Variants in KLF3 observed in about 807,000 individuals in gnomAD.
KLF3 encodes KLF transcription factor 3.
In KLF3, 6 loss-of-function variants were observed where a neutral mutation model predicts 32.7. The observed-to-expected ratio is 0.18, with a 90% CI of 0.10 to 0.36. KLF3 has a LOEUF of 0.36. Among genes scored for constraint, KLF3 ranks in the 10% least tolerant of loss-of-function variants. The pLI is 1.00. For synonymous variants in KLF3, 145 were observed against 172.8 expected (o/e 0.84, Z 1.26); for missense variants, 338 against 449.7 (o/e 0.75, Z 2.25).
chr4:38,666,337 A>G (rs749224643), intron 1 of KLF3, among the ~76,000 whole-genome samples: 3 of 152,018 alleles, frequency 2.0e-5, no homozygotes, highest in Non-Finnish European at 4.4e-5. Flanking sequence ...ATTAAAACCC[A>G]ATCTTCTTGT....
chr4:38,689,494 G>A (rs1202966229), intron 3 of KLF3, among the ~76,000 whole-genome samples: 1 of 152,180 alleles, frequency 6.6e-6, no homozygotes, highest in Admixed American at 6.5e-5. Context: ...AGAATTATAA[G>A]AACGAATCAT....
chr4:38,666,195 A>G (rs1363620296), intron 1 of KLF3, among the ~76,000 whole-genome samples: 1 of 152,226 alleles, frequency 6.6e-6, no homozygotes, highest in Admixed American at 6.5e-5. Flanking sequence ...ATGAAAGGGA[A>G]TGCAAGTACA....
At position 38,664,290 on chromosome 4, in the gene KLF3, C is replaced by G. The variant is rs1481699632; in HGVS notation, c.-211C>G. 1.3e-5 allele frequency: 2 copies of G among 152,014 alleles called. No individual in the cohort carries two copies. Among genetic ancestry groups the G allele is most frequent in the Non-Finnish European group, 1.5e-5 (1 of 68,044 alleles). The allele number at this position is 152,014 out of a possible 1,614,324, so 9.4% of individuals were successfully genotyped here. A position where few individuals can be genotyped will look rare whatever the true frequency, so the allele number is the denominator to read the frequency against. ...AGCGGAGCCGCGCGGAGCCGGGGCC[C>G]GAGCCGGAGCGCAGCGAGAGCGCCC... On this transcript the variant is annotated 5_prime_UTR_variant, in exon 1 of 6. Coordinates refer to ENST00000261438, the MANE Select transcript of KLF3 (RefSeq NM_016531.6).
chr4:38,681,229 G>A (rs2033244623), intron 2 of KLF3, among the ~76,000 whole-genome samples: 1 of 152,142 alleles, frequency 6.6e-6, no homozygotes, highest in Non-Finnish European at 1.5e-5. Flanking sequence ...GATATGATCA[G>A]CATAGAACTT....
In KLF3 at chr4:38,671,142, C is replaced by T. The variant is rs554877348; in HGVS notation, c.-40+6681C>T. 6.6e-6 allele frequency among the ~76,000 whole-genome samples: 1 copy of T among 152,320 alleles called. No individual in the cohort carries two copies. Among genetic ancestry groups the T allele is most frequent in the African/African-American group, 2.4e-5 (1 of 41,564 alleles). On this transcript the variant is annotated intron_variant, in intron 1 of 5. Transcript: ENST00000261438. The surrounding 1 kb of genome is among the most constrained non-coding windows in gnomAD (Gnocchi z 4.4). ...GCTCTGAAGCAGAACAGAAAGTGCCCGGGTCTGCAGGCAGACACGCTTCTG... is the reference window on the plus strand; with the variant it reads ...GCTCTGAAGCAGAACAGAAAGTGCCTGGGTCTGCAGGCAGACACGCTTCTG...
At chr4:38,675,151 C>T (rs1309188057) in intron 1 of KLF3, among the ~76,000 whole-genome samples, 1 of 152,158 alleles carries the variant, frequency 6.6e-6, no homozygotes, top group East Asian at 1.9e-4. Context: ...GAAATTTGAC[C>T]CTTATTTTAA....
intron 2 of KLF3, among the ~76,000 whole-genome samples, chr4:38,686,019 C>T (rs1020883927): frequency 6.6e-6 from 1 of 152,070 alleles, no homozygotes; most frequent in Non-Finnish European, 1.5e-5. Flanking sequence ...TGGTACTGTG[C>T]GTGCCTGGCT....
In KLF3 at chr4:38,671,633, A is replaced by C. The variant is rs1480950473; in HGVS notation, c.-40+7172A>C. On this transcript the variant is annotated intron_variant, in intron 1 of 5. Transcript: ENST00000261438. The surrounding 1 kb of genome is among the most constrained non-coding windows in gnomAD (Gnocchi z 4.4). Reference sequence around the variant, plus strand: ...GTGGTGTGCCAAGGCCACCAGTCTTAAGTCAGACTACCTTGGGTTCAAGTC... The same window carrying C: ...GTGGTGTGCCAAGGCCACCAGTCTTCAGTCAGACTACCTTGGGTTCAAGTC... Among the ~76,000 whole-genome samples the C allele has an allele frequency of 1.3e-5, 2 of 152,174 alleles. No homozygotes were observed. Among genetic ancestry groups the C allele is most frequent in the African/African-American group, 4.8e-5 (2 of 41,428 alleles).
intron 5 of KLF3, among the ~76,000 whole-genome samples, chr4:38,695,313 T>G (rs2045767): frequency 0.55 from 83,794 of 152,038 alleles, 23,231 homozygotes; most frequent in South Asian, 0.62. Flanking sequence ...ATGCAACAGT[T>G]TAACACAAAC....
intron 5 of KLF3, among the ~76,000 whole-genome samples, chr4:38,696,478 C>A (rs1723048035): frequency 6.6e-6 from 1 of 152,122 alleles, no homozygotes; most frequent in Non-Finnish European, 1.5e-5. Flanking sequence ...TGTAAATGAT[C>A]CTTATCCTAC....
Position 38,697,306 on chromosome 4 carries a change from G to C in KLF3, c.*43G>C. The C allele has an allele frequency of 6.6e-7, 1 of 1,513,226 alleles. No homozygotes were observed. Among genetic ancestry groups the C allele is most frequent in the Non-Finnish European group, 9.0e-7 (1 of 1,115,124 alleles). 93.7% of individuals were successfully genotyped at this position (1,513,226 alleles called of 1,614,324 possible). On this transcript the variant is annotated 3_prime_UTR_variant, in exon 6 of 6. Coordinates refer to ENST00000261438, the MANE Select transcript of KLF3 (RefSeq NM_016531.6). ...CTCAGCGTGACTCCCCACTCACCTG[G>C]CTCTCTCTCTGTCCTGCCTCCCATT...
At chr4:38,669,920 A>G (rs1377716652) in intron 1 of KLF3, among the ~76,000 whole-genome samples, 1 of 138,876 alleles carries the variant, frequency 7.2e-6, no homozygotes, top group African/African-American at 2.8e-5. Context: ...AAAAAAAAAA[A>G]AAAGATGTCC....
Position 38,689,875 on chromosome 4 carries a change from C to G in KLF3, c.691C>G (p.Gln231Glu). 7.3e-7 allele frequency: 1 copy of G among 1,361,498 alleles called. No individual in the cohort carries two copies. Among genetic ancestry groups the G allele is most frequent in the South Asian group, 1.2e-5 (1 of 85,962 alleles). 84.3% of individuals were successfully genotyped at this position (1,361,498 alleles called of 1,614,324 possible). The part of the protein sequence containing the change: ...NSVSPPQALL[Q>E]ENHPSVIVQP... ...AGTGTCCCCCCCGCAAGCATTGTTGCAAGAGTAAGTATATTTAGGTCTACC... is the reference window on the plus strand; with the variant it reads ...AGTGTCCCCCCCGCAAGCATTGTTGGAAGAGTAAGTATATTTAGGTCTACC... The change falls in exon 4 of 6, where the codon CAA (glutamine) becomes GAA (glutamate). Residue 231 changes from glutamine (Q) to glutamate (E), a missense_variant. Gln to Glu is a conservative substitution (Grantham distance 29, BLOSUM62 2). Transcript: ENST00000261438.
chr4:38,675,312 C>T (rs924486606), intron 1 of KLF3, among the ~76,000 whole-genome samples: 2 of 152,094 alleles, frequency 1.3e-5, no homozygotes, highest in East Asian at 1.9e-4. Flanking sequence ...ATTATTTTGG[C>T]GGTGGTGATG....
intron 5 of KLF3, among the ~76,000 whole-genome samples, chr4:38,695,450 C>T (rs1329332463): frequency 2.6e-5 from 4 of 152,128 alleles, no homozygotes; most frequent in African/African-American, 9.7e-5. Context: ...TCTTCCATCT[C>T]GCCCAATACT....
intron 2 of KLF3, among the ~76,000 whole-genome samples, chr4:38,683,052 T>C (rs763010890): frequency 3.9e-5 from 6 of 152,228 alleles, no homozygotes; most frequent in Non-Finnish European, 7.3e-5. Context: ...AAAAAGCTTT[T>C]GTTTCCACTC....
chr4:38,691,665 G>C (rs960414299), intron 4 of KLF3, among the ~76,000 whole-genome samples: 3 of 152,222 alleles, frequency 2.0e-5, no homozygotes, highest in Non-Finnish European at 4.4e-5. Context: ...CTCAAGCTCA[G>C]TGGCTTTTAA....
intron 3 of KLF3, 87 bp from the exon 4 acceptor site, chr4:38,689,642 G>A: frequency 1.1e-6 from 1 of 924,980 alleles, no homozygotes; most frequent in Non-Finnish European, 1.6e-6. Context: ...TCATATCTGT[G>A]TTGTAGGTAG....
chr4:38,682,193 G>C (rs550148106), intron 2 of KLF3, among the ~76,000 whole-genome samples: 18 of 152,312 alleles, frequency 1.2e-4, no homozygotes, highest in African/African-American at 4.3e-4. Context: ...ATAGTAGCTG[G>C]GATTACAGGC....
Sources: gnomAD v4.1 joint callset for allele counts (sites outside exome capture counted in the v4.1 genomes callset) on GRCh38, gnomAD v4.1.1 for gene constraint, Gnocchi (gnomAD v3.1) non-coding constraint, MANE v1.5 for transcripts, NCBI Gene and HGNC (gene_info 2026-07-23, HGNC 2026-07-21) for gene names.